Variants in JPH3 observed in about 807,000 individuals in gnomAD.
The protein encoded by JPH3 is junctophilin-3.
JPH3 carries 11 observed loss-of-function variants against 59.6 expected under a neutral mutation model. The ratio of observed to expected loss-of-function variants is 0.18; its 90% CI spans 0.12 to 0.31. The LOEUF (loss-of-function observed/expected upper bound fraction) is 0.31, where lower values mean the gene tolerates loss of function less well. Among genes scored for constraint, JPH3 ranks in the 10% least tolerant of loss-of-function variants. JPH3 has a pLI of 1.00. For synonymous variants in JPH3, 673 were observed against 483.6 expected (o/e 1.39, Z -5.14); for missense variants, 1,202 against 1,105.7 (o/e 1.09, Z -1.24).
chr16:87,631,233 C>T (rs2031556428), intron 1 of JPH3, among the ~76,000 whole-genome samples: 1 of 152,174 alleles, frequency 6.6e-6, no homozygotes, highest in African/African-American at 2.4e-5. Context: ...TGTGTTTGAT[C>T]TTCTCATGTC....
In JPH3 at chr16:87,684,222, T is replaced by C; in HGVS notation, c.1241T>C (p.Ile414Thr). The C allele has an allele frequency of 1.2e-6, 2 of 1,613,848 alleles. No individual in the cohort carries two copies. The highest frequency in any genetic ancestry group is 8.5e-7 in the Non-Finnish European group (1 of 1,180,002). ...KAQEEARIAR[I>T]TAKEFSPSFQ... ...CAGGAGGAGGCGCGGATCGCCAGGA[T>C]CACTGCCAAAGAGTTCTCCCCTTCC... is the stretch of plus-strand genomic sequence containing the variant. Residue 414 changes from isoleucine (I) to threonine (T), a missense_variant, in exon 3 of 5, where the codon ATC becomes ACC. Ile to Thr is a moderately conservative substitution (Grantham distance 89). Coordinates refer to ENST00000284262, the MANE Select transcript of JPH3 (RefSeq NM_020655.4).
chr16:87,688,574 G>C (rs376771916), intron 3 of JPH3, among the ~76,000 whole-genome samples: 3 of 152,054 alleles, frequency 2.0e-5, no homozygotes, highest in South Asian at 2.1e-4. Context: ...ATGGGCAGTG[G>C]CTCTTGGTGT....
intron 1 of JPH3, among the ~76,000 whole-genome samples, chr16:87,635,988 C>T (rs2031731250): frequency 6.6e-6 from 1 of 152,260 alleles, no homozygotes. Flanking sequence ...CTGGAGCAGA[C>T]AGGACATTAT....
chr16:87,675,252 C>T (rs2033115607), intron 2 of JPH3, among the ~76,000 whole-genome samples: 1 of 144,370 alleles, frequency 6.9e-6, no homozygotes, highest in Admixed American at 7.2e-5. Context: ...CATCCTGGAG[C>T]TCTCTTCCCC....
At chr16:87,629,442 G>A (rs2031490946) in intron 1 of JPH3, among the ~76,000 whole-genome samples, 1 of 151,012 alleles carries the variant, frequency 6.6e-6, no homozygotes, top group African/African-American at 2.4e-5. Context: ...TTTTAATTTG[G>A]ATGTGAAAAA....
chr16:87,633,691 C>T (rs1031013707), intron 1 of JPH3, among the ~76,000 whole-genome samples: 6 of 151,868 alleles, frequency 4.0e-5, no homozygotes, highest in South Asian at 2.1e-4. Context: ...ACCAGCTACT[C>T]GGGAGTCTGA....
At chr16:87,695,596 G>T (rs1026439572) in intron 4 of JPH3, 17 of 455,778 alleles carry the variant, frequency 3.7e-5, no homozygotes, top group Non-Finnish European at 7.5e-5. Context: ...ACTGGAGTGG[G>T]TGTCCCAGCC....
At position 87,645,114 on chromosome 16, in the gene JPH3, C is replaced by T. The variant is rs151079043; in HGVS notation, c.1160+79C>T. 4.1e-4 allele frequency: 581 copies of T among 1,419,748 alleles called. 2 individuals carry two copies. The highest frequency in any genetic ancestry group is 3.7e-3 in the Admixed American group (168 of 45,400). The allele number at this position is 1,419,748 out of a possible 1,614,324, so 87.9% of individuals were successfully genotyped here. The stretch of plus-strand genomic sequence containing the variant: ...AGCCCAGTCTGTTCAGTCCTGCTGT[C>T]GCTCAAGGCCTTGGGCTAGGCCCAG... On this transcript the variant is annotated intron_variant, in intron 2 of 4. Transcript: ENST00000284262.
In JPH3 at chr16:87,679,399, G is replaced by A. The variant is rs1277765529; in HGVS notation, c.1161-4743G>A. On this transcript the variant is annotated intron_variant, in intron 2 of 4. Transcript: ENST00000284262. ...TCTTTAACAACCCAGCCTGGGTCAG[G>A]TCTGATGAAATGCACTTTCCAGGGA... is the stretch of plus-strand genomic sequence containing the variant. 2.0e-5 allele frequency among the ~76,000 whole-genome samples: 3 copies of A among 152,306 alleles called. No homozygotes were observed. In the East Asian group the frequency reaches 5.8e-4, roughly 29 times the overall value.
chr16:87,603,359 C>T lies in JPH3; in HGVS notation c.213C>T (p.His71=). The change falls in exon 1 of 5, where the codon CAC becomes CAT. Residue 71 remains histidine (H), a synonymous_variant. Coordinates refer to ENST00000284262, the MANE Select transcript of JPH3 (RefSeq NM_020655.4). Reference sequence around the variant, plus strand: ...GCACCTGGGCGCAGGGCAAGCGCCACGGCATCGGCCTGGAGAGCAAGGGGA... The same window carrying T: ...GCACCTGGGCGCAGGGCAAGCGCCATGGCATCGGCCTGGAGAGCAAGGGGA... ...YQGTWAQGKR[H]GIGLESKGKW... The T allele has an allele frequency of 6.2e-7, 1 of 1,611,842 alleles. No individual in the cohort carries two copies. Among genetic ancestry groups the T allele is most frequent in the Non-Finnish European group, 8.5e-7 (1 of 1,179,116 alleles).
chr16:87,650,944 G>C (rs1467301345), intron 2 of JPH3, among the ~76,000 whole-genome samples: 2 of 152,256 alleles, frequency 1.3e-5, no homozygotes, highest in Non-Finnish European at 2.9e-5. Context: ...CGATGGAACA[G>C]CTTTCTATTG....
intron 3 of JPH3, among the ~76,000 whole-genome samples, chr16:87,685,761 G>C (rs2033402417): frequency 1.3e-5 from 2 of 152,234 alleles, no homozygotes; most frequent in Non-Finnish European, 2.9e-5. Context: ...ACATTCCACT[G>C]CCTGCGGCCT....
intron 1 of JPH3, among the ~76,000 whole-genome samples, chr16:87,619,772 G>A (rs968742463): frequency 1.3e-5 from 2 of 152,224 alleles, no homozygotes; most frequent in African/African-American, 4.8e-5. Flanking sequence ...TGAACAAAGA[G>A]CCCTAGGACT....
Position 87,684,133 on chromosome 16 carries a change from C to G in JPH3, c.1161-9C>G, listed in dbSNP as rs377692891. Reference sequence around the variant, plus strand: ...TGCCCCCCCTCACGCTCCTCCCTGTCTCCCCCAGGACCTCCCACTCTCGGG... The same window carrying G: ...TGCCCCCCCTCACGCTCCTCCCTGTGTCCCCCAGGACCTCCCACTCTCGGG... On this transcript the variant is annotated splice_polypyrimidine_tract_variant and intron_variant, in intron 2 of 4. Coordinates refer to ENST00000284262, the MANE Select transcript of JPH3 (RefSeq NM_020655.4). The G allele has an allele frequency of 2.5e-6, 4 of 1,612,668 alleles. No homozygotes were observed. The highest frequency in any genetic ancestry group is 2.7e-5 in the African/African-American group (2 of 74,924).
At chr16:87,621,322 A>G (rs1332076630) in intron 1 of JPH3, among the ~76,000 whole-genome samples, 1 of 152,044 alleles carries the variant, frequency 6.6e-6, no homozygotes, top group Non-Finnish European at 1.5e-5. Flanking sequence ...CCACTCCAAA[A>G]TCCTATAGAC....
chr16:87,635,171 C>T (rs1362333237), intron 1 of JPH3, among the ~76,000 whole-genome samples: 1 of 152,088 alleles, frequency 6.6e-6, no homozygotes. Flanking sequence ...TAGTGGGCTC[C>T]TTGCTCCTCC....
At position 87,604,287 on chromosome 16, in the gene JPH3, C is replaced by CCTGCTGCTGCTGCTGCTGCTGCTG. The variant is rs71156237; in HGVS notation, c.382+778_382+801dup. 1.4e-4 allele frequency: 203 copies of CCTGCTGCTGCTGCTGCTGCTGCTG among 1,432,888 alleles called. 2 individuals carry two copies. In the East Asian group the frequency reaches 1.5e-3, roughly 11 times the overall value. The allele number at this position is 1,432,888 out of a possible 1,614,324, so 88.8% of individuals were successfully genotyped here. Reference sequence around the variant, plus strand: ...GCCGGGGCCGGAAGCCAGGGAGCTGCCTGCTGCTGCTGCTGCTGCTGCTGC... The same window carrying CCTGCTGCTGCTGCTGCTGCTGCTG: ...GCCGGGGCCGGAAGCCAGGGAGCTGCCTGCTGCTGCTGCTGCTGCTGCTGCTGCTGCTGCTGCTGCTGCTGCTGC... On this transcript the variant is annotated intron_variant, in intron 1 of 4. Coordinates refer to ENST00000284262, the MANE Select transcript of JPH3 (RefSeq NM_020655.4).
At position 87,677,197 on chromosome 16, in the gene JPH3, C is replaced by CGCACTATAT. The variant is rs1482498332; in HGVS notation, c.1161-6945_1161-6944insGCACTATAT. Among the ~76,000 whole-genome samples, 41 of 117,846 alleles carry CGCACTATAT rather than the reference C, an allele frequency of 3.5e-4. 1 individual carries two copies. The highest frequency in any genetic ancestry group is 1.5e-3 in the African/African-American group (41 of 26,962). The allele number at this position is 117,846 out of a possible 152,430, so 77.3% of individuals were successfully genotyped here. Reference sequence around the variant, plus strand: ...CACTATATATATATACACACACACACACACACACACACACACACACACACA... The same window carrying CGCACTATAT: ...CACTATATATATATACACACACACACGCACTATATACACACACACACACACACACACACA... On this transcript the variant is annotated intron_variant, in intron 2 of 4. Transcript: ENST00000284262.
At chr16:87,668,437 G>A (rs1233870384) in intron 2 of JPH3, among the ~76,000 whole-genome samples, 1 of 152,182 alleles carries the variant, frequency 6.6e-6, no homozygotes, top group Non-Finnish European at 1.5e-5. Flanking sequence ...ACTTGGGTGA[G>A]TCAGTTCCCT....
Sources: allele counts gnomAD v4.1 joint callset (sites outside exome capture counted in the v4.1 genomes callset), GRCh38; gene constraint gnomAD v4.1.1; transcripts MANE v1.5; gene names NCBI Gene and HGNC (gene_info 2026-07-23, HGNC 2026-07-21).